EBF3: variants seen among roughly 807,000 people sequenced by gnomAD.
The protein encoded by EBF3 is transcription factor COE3.
EBF3 carries 18 observed loss-of-function variants against 77.1 expected under a neutral mutation model. That is an observed-to-expected ratio of 0.23 (90% CI 0.16 to 0.35). EBF3 has a LOEUF of 0.35. EBF3 is among the 10% of genes least tolerant of loss of function. The pLI, the probability that EBF3 is intolerant of heterozygous loss-of-function variation, is 1.00. For synonymous variants in EBF3, 350 were observed against 343.5 expected, an observed-to-expected ratio of 1.02 and a Z score of -0.21; for missense variants, 558 against 860.0, an observed-to-expected ratio of 0.65 and a Z score of 4.39.
intron 6 of EBF3, among the ~76,000 whole-genome samples, chr10:129,926,569 G>C (rs598992): frequency 0.013 from 1,978 of 152,296 alleles, 49 homozygotes; most frequent in African/African-American, 0.044. Context: ...TCAGGGCTTG[G>C]GGGGTGGAGA....
intron 6 of EBF3, among the ~76,000 whole-genome samples, chr10:129,883,666 G>A (rs1366745152): frequency 4.0e-5 from 6 of 148,426 alleles, no homozygotes; most frequent in African/African-American, 9.9e-5. Context: ...GTTTTAATAC[G>A]TAATAACCTT....
intron 6 of EBF3, among the ~76,000 whole-genome samples, chr10:129,939,339 T>G (rs1857569893): frequency 6.6e-6 from 1 of 152,090 alleles, no homozygotes; most frequent in Non-Finnish European, 1.5e-5. Context: ...CAGGGTGAAA[T>G]CTGAAAACAG....
chr10:129,963,110 G>A lies in EBF3; in HGVS notation c.292-105C>T. Reference sequence around the variant, plus strand: ...GAGGCTCTCGGCCTCACACATGGCAGGATTCCTAGCTCGAAGCAGCGCGGT... The same window carrying A: ...GAGGCTCTCGGCCTCACACATGGCAAGATTCCTAGCTCGAAGCAGCGCGGT... On this transcript the variant is annotated intron_variant, in intron 2 of 16. Coordinates refer to ENST00000440978, the MANE Select transcript of EBF3 (RefSeq NM_001375380.1). The surrounding 1 kb of genome is among the most constrained non-coding windows in gnomAD (Gnocchi z 7.1). The A allele has an allele frequency of 7.0e-7, 1 of 1,429,882 alleles. No individual in the cohort carries two copies. Among genetic ancestry groups the A allele is most frequent in the Non-Finnish European group, 9.8e-7 (1 of 1,015,576 alleles). The allele number at this position is 1,429,882 out of a possible 1,614,324, so 88.6% of individuals were successfully genotyped here. A position where few individuals can be genotyped will look rare whatever the true frequency, so the allele number is the denominator to read the frequency against.
Position 129,848,129 on chromosome 10 carries a change from G to A in EBF3, c.1128+263C>T, listed in dbSNP as rs944760155. ...CAAAATATTTGTTATCAGAAAAGCT[G>A]TTCTTTGCTTCCCTTAAAAAGATGG... On this transcript the variant is annotated intron_variant, in intron 11 of 16. Transcript: ENST00000440978. This position sits in a 1 kb window ranked among gnomAD's most constrained non-coding sequence, Gnocchi z 4.4. 6.6e-6 allele frequency among the ~76,000 whole-genome samples: 1 copy of A among 152,220 alleles called. No individual in the cohort carries two copies. The highest frequency in any genetic ancestry group is 2.4e-5 in the African/African-American group (1 of 41,456).
chr10:129,936,013 G>A (rs1347884169), intron 6 of EBF3, among the ~76,000 whole-genome samples: 1 of 152,220 alleles, frequency 6.6e-6, no homozygotes. Context: ...GGTGCCCAGG[G>A]CTGCGAGTCA....
intron 7 of EBF3, among the ~76,000 whole-genome samples, chr10:129,874,907 A>T (rs939427372): frequency 6.6e-6 from 1 of 152,130 alleles, no homozygotes; most frequent in Non-Finnish European, 1.5e-5. Context: ...GCACCAGCAT[A>T]ATCGGGGAAA....
chr10:129,862,047 C>T (rs1851676822), intron 10 of EBF3, among the ~76,000 whole-genome samples: 1 of 152,130 alleles, frequency 6.6e-6, no homozygotes, highest in Non-Finnish European at 1.5e-5. Flanking sequence ...AAATTGTGGA[C>T]ACCCGCCAGG....
intron 10 of EBF3, among the ~76,000 whole-genome samples, chr10:129,865,495 G>A (rs1589738807): frequency 6.6e-6 from 1 of 152,180 alleles, no homozygotes. Context: ...GGCAGCTCCT[G>A]AGCGCCTGGT....
intron 6 of EBF3, among the ~76,000 whole-genome samples, chr10:129,881,035 C>A (rs1853170521): frequency 6.6e-6 from 1 of 152,132 alleles, no homozygotes; most frequent in Non-Finnish European, 1.5e-5. Context: ...ACTCAATTAC[C>A]CTTTAATTGG....
At chr10:129,926,891 C>A (rs543578) in intron 6 of EBF3, among the ~76,000 whole-genome samples, 1,981 of 152,256 alleles carry the variant, frequency 0.013, 49 homozygotes, top group African/African-American at 0.044. Flanking sequence ...TTCCCCGAAA[C>A]GGGGCTCCAG....
rs900460102 is a variant in EBF3, at chr10:129,896,508, C to T, written c.555-18659G>A. On this transcript the variant is annotated intron_variant, in intron 6 of 16. Transcript: ENST00000440978. ...GCTGGCTGGACGGGGCGGGGGCCGGCGTGGGCCGGGTGTGGGGGTGCGACA... is the reference window on the plus strand; with the variant it reads ...GCTGGCTGGACGGGGCGGGGGCCGGTGTGGGCCGGGTGTGGGGGTGCGACA... Among the ~76,000 whole-genome samples, 3 of 152,184 alleles carry T rather than the reference C, an allele frequency of 2.0e-5. No individual in the cohort carries two copies. In the South Asian group the frequency reaches 6.2e-4, roughly 31 times the overall value.
At chr10:129,860,982 A>G (rs1033142977) in intron 10 of EBF3, among the ~76,000 whole-genome samples, 2 of 152,252 alleles carry the variant, frequency 1.3e-5, no homozygotes, top group African/African-American at 4.8e-5. Flanking sequence ...TACTTGTGCA[A>G]TAGCACAAAC....
chr10:129,892,169 G>A (rs928141853), intron 6 of EBF3, among the ~76,000 whole-genome samples: 3 of 152,228 alleles, frequency 2.0e-5, no homozygotes, highest in Non-Finnish European at 2.9e-5. Flanking sequence ...CGGGTCCCAG[G>A]CTCCAACTGA....
intron 6 of EBF3, among the ~76,000 whole-genome samples, chr10:129,946,260 A>G (rs1004126878): frequency 3.9e-5 from 6 of 152,230 alleles, no homozygotes; most frequent in African/African-American, 1.4e-4. Flanking sequence ...AAATTACCAT[A>G]ACACACAACT....
In EBF3 at chr10:129,944,630, C is replaced by T. The variant is rs146591323; in HGVS notation, c.554+12628G>A. 1.3e-5 allele frequency among the ~76,000 whole-genome samples: 2 copies of T among 152,156 alleles called. No individual in the cohort carries two copies. The highest frequency in any genetic ancestry group is 1.3e-4 in the Admixed American group (2 of 15,288). ...CATTTTCTTAGTGGAAGCTGGAGCG[C>T]CCCTCACACCACACGGTGAATCCTT... On this transcript the variant is annotated intron_variant, in intron 6 of 16. Transcript: ENST00000440978. This position sits in a 1 kb window ranked among gnomAD's most constrained non-coding sequence, Gnocchi z 5.1.
intron 4 of EBF3, 99 bp downstream of exon 4, chr10:129,962,072 C>A: frequency 1.7e-6 from 2 of 1,148,390 alleles, no homozygotes; most frequent in Admixed American, 2.0e-5. Flanking sequence ...CAATGGAAAA[C>A]AAATACACGA....
At chr10:129,875,184 C>CTT (rs1564846069) in intron 7 of EBF3, among the ~76,000 whole-genome samples, 1 of 117,624 alleles carries the variant, frequency 8.5e-6, no homozygotes, top group Non-Finnish European at 1.7e-5. Flanking sequence ...GTGATGGCTT[C>CTT]TTCTTTTTTT....
At chr10:129,840,548 AAACAT>A in intron 14 of EBF3, 106 bp from the exon 15 acceptor site, 5 of 1,287,612 alleles carry the variant, frequency 3.9e-6, no homozygotes, top group Non-Finnish European at 5.3e-6. Context: ...CACGAAAACA[AAACAT>A]GACATGCGTC....
At chr10:129,888,743 A>C (rs1382128352) in intron 6 of EBF3, among the ~76,000 whole-genome samples, 3 of 152,264 alleles carry the variant, frequency 2.0e-5, no homozygotes, top group African/African-American at 7.2e-5. Flanking sequence ...ATTTGTCCTT[A>C]ATTATTCATG....
Sources: allele counts gnomAD v4.1 joint callset (sites outside exome capture counted in the v4.1 genomes callset), GRCh38; gene constraint gnomAD v4.1.1; non-coding constraint Gnocchi (gnomAD v3.1); transcripts MANE v1.5; gene names NCBI Gene and HGNC (gene_info 2026-07-23, HGNC 2026-07-21).